DPYD: variants seen among roughly 807,000 people sequenced by gnomAD.
DPYD encodes the protein dihydropyrimidine dehydrogenase [NADP(+)].
A neutral mutation model predicts 116.2 loss-of-function variants in DPYD; 109 were observed. The observed-to-expected ratio is 0.94, with a 90% CI of 0.80 to 1.10. The LOEUF is 1.10. Among genes scored for constraint, DPYD ranks in the 50% least tolerant of loss-of-function variants. The probability of loss-of-function intolerance (pLI) is 0.00; values close to 1 mark genes in which losing one functional copy is unlikely to be tolerated. For missense variants in DPYD, 1,302 were observed against 1,254.5 expected, an observed-to-expected ratio of 1.04 and a Z score of -0.57; for synonymous variants, 440 against 432.0, an observed-to-expected ratio of 1.02 and a Z score of -0.23.
chr1:97,792,260 G>A (rs1013503227), intron 3 of DPYD, among the ~76,000 whole-genome samples: 18 of 151,836 alleles, frequency 1.2e-4, no homozygotes, highest in Admixed American at 1.2e-3. Context: ...CTGCTACTGA[G>A]CTTTTATTTT....
intron 4 of DPYD, among the ~76,000 whole-genome samples, chr1:97,729,320 TTCA>T: frequency 6.6e-6 from 1 of 152,204 alleles, no homozygotes; most frequent in South Asian, 2.1e-4. Context: ...CAGCCTCGGT[TTCA>T]TCACTTGAGA....
intron 14 of DPYD, among the ~76,000 whole-genome samples, chr1:97,428,429 G>A (rs916010588): frequency 6.6e-6 from 1 of 152,026 alleles, no homozygotes; most frequent in African/African-American, 2.4e-5. Flanking sequence ...TAAAAATTTA[G>A]TGCCCAGTGA....
intron 13 of DPYD, among the ~76,000 whole-genome samples, chr1:97,507,130 G>A (rs10875094): frequency 0.28 from 43,021 of 151,868 alleles, 6,195 homozygotes; most frequent in East Asian, 0.48. Context: ...TACTATATGT[G>A]AACTGTAGCC....
chr1:97,833,333 G>A (rs1427536987), intron 2 of DPYD, among the ~76,000 whole-genome samples: 2 of 152,068 alleles, frequency 1.3e-5, no homozygotes, highest in Non-Finnish European at 2.9e-5. Flanking sequence ...ACTATGCACA[G>A]GGATATGAAG....
intron 8 of DPYD, among the ~76,000 whole-genome samples, chr1:97,620,448 T>G (rs990964578): frequency 2.6e-5 from 4 of 152,178 alleles, no homozygotes; most frequent in Non-Finnish European, 5.9e-5. Context: ...ACTCCTGGCC[T>G]CAATTGATCC....
chr1:97,852,717 C>A (rs1472431056), intron 2 of DPYD, among the ~76,000 whole-genome samples: 1 of 152,110 alleles, frequency 6.6e-6, no homozygotes, highest in Non-Finnish European at 1.5e-5. Flanking sequence ...AATAGATTTT[C>A]TTCTTCAAGG....
intron 16 of DPYD, among the ~76,000 whole-genome samples, chr1:97,347,185 C>T (rs941680014): frequency 6.6e-6 from 1 of 151,740 alleles, no homozygotes; most frequent in African/African-American, 2.4e-5. Context: ...AGCAGGCACC[C>T]TTGTTTTATT....
At chr1:97,530,664 T>C (rs902832704) in intron 12 of DPYD, among the ~76,000 whole-genome samples, 4 of 152,218 alleles carry the variant, frequency 2.6e-5, no homozygotes, top group African/African-American at 7.2e-5. Context: ...TGTTGGATCA[T>C]ATGATAGTTC....
intron 16 of DPYD, among the ~76,000 whole-genome samples, chr1:97,308,989 ATGAGAAATGAG>A (rs1667325770): frequency 6.6e-6 from 1 of 151,870 alleles, no homozygotes; most frequent in Non-Finnish European, 1.5e-5. Context: ...GTGTCAATGA[ATGAGAAATGAG>A]TGAAAACTTG....
chr1:97,289,156 A>AT (rs1268869826), intron 18 of DPYD, among the ~76,000 whole-genome samples: 1 of 152,234 alleles, frequency 6.6e-6, no homozygotes, highest in African/African-American at 2.4e-5. Flanking sequence ...GAATCTCTGA[A>AT]TAGAGCAATA....
intron 11 of DPYD, among the ~76,000 whole-genome samples, chr1:97,551,298 A>T (rs1021020913): frequency 1.3e-5 from 2 of 152,174 alleles, no homozygotes; most frequent in Non-Finnish European, 2.9e-5. Context: ...AGAGATCTTT[A>T]TCATTTGTTC....
chr1:97,533,481 G>A (rs1399583263), intron 12 of DPYD, among the ~76,000 whole-genome samples: 1 of 152,050 alleles, frequency 6.6e-6, no homozygotes, highest in African/African-American at 2.4e-5. Context: ...CAGGCCCCGG[G>A]GCAAAGGTGG....
intron 18 of DPYD, among the ~76,000 whole-genome samples, chr1:97,253,776 T>C (rs1291713867): frequency 1.3e-5 from 2 of 152,096 alleles, no homozygotes; most frequent in African/African-American, 4.8e-5. Flanking sequence ...CTAAAATCAT[T>C]AAAAAATAAA....
chr1:97,664,690 T>G (rs895931962), intron 8 of DPYD, among the ~76,000 whole-genome samples: 2 of 152,128 alleles, frequency 1.3e-5, no homozygotes, highest in African/African-American at 4.8e-5. Flanking sequence ...CTCATATAAC[T>G]CGTTGATTTT....
chr1:97,227,767 C>A lies in DPYD; in HGVS notation c.2442+7085G>T, dbSNP rs11165810. ...GACCACTGAAGGTAGCACTATATACCGAAGTATGTTGAGATGCAAAATGTA... is the reference window on the plus strand; with the variant it reads ...GACCACTGAAGGTAGCACTATATACAGAAGTATGTTGAGATGCAAAATGTA... On this transcript the variant is annotated intron_variant, in intron 19 of 22. Transcript: ENST00000370192. Among the ~76,000 whole-genome samples, 6 of 151,454 alleles carry A rather than the reference C, an allele frequency of 4.0e-5. No homozygotes were observed. In the South Asian group the frequency reaches 1.3e-3, roughly 32 times the overall value.
At chr1:97,200,518 T>C (rs751331999) in intron 19 of DPYD, among the ~76,000 whole-genome samples, 18 of 152,188 alleles carry the variant, frequency 1.2e-4, no homozygotes, top group Non-Finnish European at 2.1e-4. Context: ...GAAGGGTTGT[T>C]CATCCAATTC....
chr1:97,286,218 T>C (rs1460923166), intron 18 of DPYD, among the ~76,000 whole-genome samples: 2 of 152,118 alleles, frequency 1.3e-5, no homozygotes, highest in Admixed American at 6.5e-5. Context: ...GGTTGAAAAT[T>C]CTTTTCTTTA....
intron 1 of DPYD, among the ~76,000 whole-genome samples, chr1:97,885,949 C>A (rs1193227296): frequency 1.3e-5 from 1 of 75,072 alleles, no homozygotes; most frequent in Non-Finnish European, 3.3e-5. Flanking sequence ...TAAACATGAC[C>A]ATTAAGAGGT....
intron 19 of DPYD, among the ~76,000 whole-genome samples, chr1:97,234,147 C>A (rs71656174): frequency 0.095 from 14,383 of 152,086 alleles, 894 homozygotes; most frequent in South Asian, 0.22. Context: ...AAAGCTTGGT[C>A]CCTAGGTCAA....
Sources: allele counts gnomAD v4.1 joint callset (sites outside exome capture counted in the v4.1 genomes callset), GRCh38; gene constraint gnomAD v4.1.1; transcripts MANE v1.5; gene names NCBI Gene and HGNC (gene_info 2026-07-23, HGNC 2026-07-21).